SGIP1: variants seen among roughly 807,000 people sequenced by gnomAD.
The protein encoded by SGIP1 is SH3-containing GRB2-like protein 3-interacting protein 1.
Under a neutral mutation model 107.5 loss-of-function variants are expected in SGIP1, and 38 were observed. The ratio of observed to expected loss-of-function variants is 0.35; its 90% CI spans 0.27 to 0.46. The LOEUF (loss-of-function observed/expected upper bound fraction) is 0.46, where lower values mean the gene tolerates loss of function less well. SGIP1 is among the 20% of genes least tolerant of loss of function. SGIP1 has a pLI of 1.00. For missense variants in SGIP1, 929 were observed against 1,019.5 expected (o/e 0.91, Z 1.21); for synonymous variants, 365 against 366.1 (o/e 1.00, Z 0.03).
chr1:66,560,485 A>G (rs1349996745), intron 1 of SGIP1, among the ~76,000 whole-genome samples: 2 of 152,092 alleles, frequency 1.3e-5, no homozygotes, highest in South Asian at 2.1e-4. Flanking sequence ...TTTAGACACT[A>G]GATAAATTTT....
At chr1:66,721,194 C>G (rs1014301079) in intron 19 of SGIP1, among the ~76,000 whole-genome samples, 2 of 152,340 alleles carry the variant, frequency 1.3e-5, no homozygotes, top group Non-Finnish European at 2.9e-5. Flanking sequence ...ATAGAGCATA[C>G]GTCTGAACTG....
intron 1 of SGIP1, among the ~76,000 whole-genome samples, chr1:66,608,322 A>G (rs769711200): frequency 1.3e-5 from 2 of 152,260 alleles, no homozygotes; most frequent in African/African-American, 4.8e-5. Flanking sequence ...CTGGGAGATT[A>G]AGATGTATCC....
chr1:66,662,906 C>A (rs1182226099), intron 8 of SGIP1, among the ~76,000 whole-genome samples: 1 of 152,116 alleles, frequency 6.6e-6, no homozygotes, highest in Non-Finnish European at 1.5e-5. Flanking sequence ...GCAATAATAA[C>A]AGCAGATAGA....
At chr1:66,665,434 G>C (rs554334145) in intron 8 of SGIP1, among the ~76,000 whole-genome samples, 1 of 152,144 alleles carries the variant, frequency 6.6e-6, no homozygotes, top group Admixed American at 6.5e-5. Flanking sequence ...ATAAACATAC[G>C]TGTGCATGTG....
intron 7 of SGIP1, among the ~76,000 whole-genome samples, chr1:66,651,579 T>A (rs530682642): frequency 6.6e-5 from 10 of 152,304 alleles, no homozygotes. Flanking sequence ...AGGATATCGA[T>A]GGATGCTCAA....
At chr1:66,708,065 G>T (rs2092648684) in intron 18 of SGIP1, among the ~76,000 whole-genome samples, 1 of 152,154 alleles carries the variant, frequency 6.6e-6, no homozygotes, top group African/African-American at 2.4e-5. Flanking sequence ...TTCCTAGGAT[G>T]TAGGGGCAAA....
chr1:66,602,557 T>G (rs4655635), intron 1 of SGIP1, among the ~76,000 whole-genome samples: 97,630 of 151,798 alleles, frequency 0.64, 32,191 homozygotes, highest in East Asian at 0.99. Context: ...GAGTTAATGG[T>G]TGCAGCACAC....
At chr1:66,640,874 G>T (rs2076660390) in intron 5 of SGIP1, among the ~76,000 whole-genome samples, 3 of 150,870 alleles carry the variant, frequency 2.0e-5, no homozygotes, top group African/African-American at 7.3e-5. Context: ...GACATAGAAA[G>T]AAAAATACTG....
intron 18 of SGIP1, among the ~76,000 whole-genome samples, chr1:66,707,297 G>A (rs1160481235): frequency 6.6e-6 from 1 of 152,054 alleles, no homozygotes; most frequent in African/African-American, 2.4e-5. Context: ...CAGAAACTGA[G>A]CCTAAATCTA....
intron 4 of SGIP1, among the ~76,000 whole-genome samples, chr1:66,639,274 C>CT (rs1242076865): frequency 9.2e-5 from 14 of 152,126 alleles, no homozygotes; most frequent in Admixed American, 7.2e-4. Flanking sequence ...CTGACTTACT[C>CT]TGTGTTTTAT....
At position 66,643,624 on chromosome 1, in the gene SGIP1, A is replaced by C; in HGVS notation, c.364A>C (p.Lys122Gln). The C allele has an allele frequency of 6.2e-7, 1 of 1,610,810 alleles. No individual in the cohort carries two copies. The highest frequency in any genetic ancestry group is 1.1e-5 in the South Asian group (1 of 90,104). The change falls in exon 7 of 25, where the codon AAA becomes CAA. Residue 122 changes from lysine to glutamine, a missense_variant. Transcript: ENST00000371037. ...ACATAAGAAATTTAATATCAAGATT[A>C]AACCATTGCAATCTAAAGACATTCT... ...ESHKKFNIKIKPLQSKDILKN... is the reference protein window; with the variant it reads ...ESHKKFNIKIQPLQSKDILKN...
chr1:66,676,726 G>A (rs2085446533), intron 12 of SGIP1, among the ~76,000 whole-genome samples: 1 of 152,010 alleles, frequency 6.6e-6, no homozygotes, highest in African/African-American at 2.4e-5. Context: ...ATGTCCTTAC[G>A]TGACCACCCA....
At chr1:66,644,299 A>T (rs180768668) in intron 7 of SGIP1, among the ~76,000 whole-genome samples, 29 of 152,160 alleles carry the variant, frequency 1.9e-4, no homozygotes, top group African/African-American at 6.7e-4. Flanking sequence ...TGTCCTATTT[A>T]TATTGTTCAA....
intron 1 of SGIP1, among the ~76,000 whole-genome samples, chr1:66,560,093 A>C (rs766188116): frequency 5.3e-4 from 81 of 152,050 alleles, no homozygotes; most frequent in Non-Finnish European, 9.4e-4. Flanking sequence ...ACACCAACTC[A>C]TCACAGATCT....
intron 12 of SGIP1, among the ~76,000 whole-genome samples, chr1:66,675,117 G>C (rs146619411): frequency 6.6e-6 from 1 of 152,084 alleles, no homozygotes; most frequent in African/African-American, 2.4e-5. Context: ...GACTGGAGAC[G>C]GGATTTGATT....
intron 1 of SGIP1, among the ~76,000 whole-genome samples, chr1:66,578,908 A>G (rs1411202230): frequency 1.3e-5 from 2 of 152,138 alleles, no homozygotes; most frequent in African/African-American, 4.8e-5. Context: ...CAACCTCAGG[A>G]GATCCACCCT....
At chr1:66,591,355 C>A (rs1422704223) in intron 1 of SGIP1, among the ~76,000 whole-genome samples, 2 of 152,332 alleles carry the variant, frequency 1.3e-5, no homozygotes, top group Non-Finnish European at 2.9e-5. Context: ...TTAGAATGAT[C>A]TAGGTGATGA....
In SGIP1 at chr1:66,671,961, C is replaced by G. The variant is rs1165371097; in HGVS notation, c.526C>G (p.Pro176Ala). The G allele has an allele frequency of 6.2e-7, 1 of 1,613,876 alleles. No homozygotes were observed. The highest frequency in any genetic ancestry group is 8.5e-7 in the Non-Finnish European group (1 of 1,179,952). ...TGCATCAGGTGAAGAAGTGGCAAGA[C>G]CCAGGCGTTCCACACCAACTCCAGA... ...RNLSSEEVAR[P>A]RRSTPTPELI... Residue 176 changes from proline (P) to alanine (A), a missense_variant, in exon 11 of 25, where the codon CCC becomes GCC. Pro to Ala is a conservative substitution (Grantham distance 27). Coordinates refer to ENST00000371037, the MANE Select transcript of SGIP1 (RefSeq NM_032291.4).
At chr1:66,674,164 C>T (rs1365117873) in intron 12 of SGIP1, among the ~76,000 whole-genome samples, 1 of 151,932 alleles carries the variant, frequency 6.6e-6, no homozygotes, top group Non-Finnish European at 1.5e-5. Context: ...CAAGACCCCA[C>T]CTCAAATAAA....
Sources: gnomAD v4.1 joint callset for allele counts (sites outside exome capture counted in the v4.1 genomes callset) on GRCh38, gnomAD v4.1.1 for gene constraint, MANE v1.5 for transcripts, NCBI Gene and HGNC (gene_info 2026-07-23, HGNC 2026-07-21) for gene names.